Variants in RDH13 observed in about 807,000 individuals in gnomAD.
The protein encoded by RDH13 is retinol dehydrogenase 13.
A neutral mutation model predicts 28.3 loss-of-function variants in RDH13; 35 were observed. The observed-to-expected ratio is 1.24, with a 90% CI of 0.95 to 1.64. The LOEUF is 1.64. RDH13 is among the 40% of genes most tolerant of loss of function. The probability of loss-of-function intolerance (pLI) is 0.00; values close to 1 mark genes in which losing one functional copy is unlikely to be tolerated. For missense variants in RDH13, 514 were observed against 446.3 expected (o/e 1.15, Z -1.37); for synonymous variants, 229 against 198.5 (o/e 1.15, Z -1.29).
chr19:55,063,175 C>A (rs1401033272), upstream of RDH13: 1 of 719,358 alleles, frequency 1.4e-6, no homozygotes, highest in Non-Finnish European at 2.0e-6. Context: ...GCGTCCGGAA[C>A]TGGGCTGCGA....
upstream of RDH13, among the ~76,000 whole-genome samples, chr19:55,064,987 T>C (rs1422334206): frequency 6.7e-6 from 1 of 149,878 alleles, no homozygotes; most frequent in African/African-American, 2.5e-5. Context: ...ACGGTGGTGA[T>C]GGTTGCACAA....
Position 55,062,969 on chromosome 19 carries a change from T to G in RDH13, c.64A>C (p.Lys22Gln). The G allele has an allele frequency of 1.4e-6, 2 of 1,481,442 alleles. No individual in the cohort carries two copies. The highest frequency in any genetic ancestry group is 1.8e-6 in the Non-Finnish European group (2 of 1,119,036). The allele number at this position is 1,481,442 out of a possible 1,614,324, so 91.8% of individuals were successfully genotyped here. A position where few individuals can be genotyped will look rare whatever the true frequency, so the allele number is the denominator to read the frequency against. The stretch of plus-strand genomic sequence containing the variant: ...CACGCGGGGCTAGAATGTACTCACT[T>G]GAGCAGCACGGCGGCGCCTGCTACC... The part of the protein sequence containing the change: ...GTVAGAAVLL[K>Q]DYVTGGACPS... The change falls in exon 1 of 7, where the codon AAG (lysine) becomes CAG (glutamine). Residue 22 changes from lysine (K) to glutamine (Q), a missense_variant and splice_region_variant. By Grantham distance (53) the Lys-to-Gln change is moderately conservative. Transcript: ENST00000415061.
Position 55,059,201 on chromosome 19 carries a change from T to C in RDH13, c.140A>G (p.Asn47Ser). 5.6e-6 allele frequency: 9 copies of C among 1,604,618 alleles called. No individual in the cohort carries two copies. The highest frequency in any genetic ancestry group is 7.7e-6 in the Non-Finnish European group (9 of 1,175,762). The stretch of plus-strand genomic sequence containing the variant: ...GGCGGTCTGCTTCCCGATGCCTGTG[T>C]TGGCACCCGTCACGATGACCGTCTT... The part of the protein sequence containing the change: ...PGKTVIVTGA[N>S]TGIGKQTALE... Residue 47 changes from asparagine to serine, a missense_variant, in exon 2 of 7, where the codon AAC becomes AGC. Physicochemically the swap from Asn to Ser is conservative, Grantham distance 46. Coordinates refer to ENST00000415061, the MANE Select transcript of RDH13 (RefSeq NM_001145971.2).
At chr19:55,059,986 C>T (rs887933140) in intron 1 of RDH13, among the ~76,000 whole-genome samples, 4 of 152,154 alleles carry the variant, frequency 2.6e-5, no homozygotes, top group African/African-American at 9.7e-5. Flanking sequence ...ACCAGGGGCA[C>T]GATGCACTGC....
intron 1 of RDH13, among the ~76,000 whole-genome samples, chr19:55,059,544 C>T (rs1411346321): frequency 2.1e-5 from 3 of 141,260 alleles, no homozygotes; most frequent in Admixed American, 7.7e-5. Flanking sequence ...AGGGGGCTTG[C>T]ACCTGTAATC....
intron 3 of RDH13, among the ~76,000 whole-genome samples, chr19:55,051,371 C>T (rs1326063449): frequency 1.3e-5 from 2 of 152,178 alleles, no homozygotes; most frequent in African/African-American, 4.8e-5. Context: ...GGAGACTCCA[C>T]TCACAGCTGG....
chr19:55,045,868 C>T (rs1286067289), intron 6 of RDH13, among the ~76,000 whole-genome samples: 2 of 150,088 alleles, frequency 1.3e-5, no homozygotes, highest in African/African-American at 2.5e-5. Flanking sequence ...ATCCCTTGAA[C>T]CTGGGAGGCG....
At chr19:55,049,593 C>T (rs1376606162) in intron 3 of RDH13, among the ~76,000 whole-genome samples, 1 of 152,084 alleles carries the variant, frequency 6.6e-6, no homozygotes, top group Non-Finnish European at 1.5e-5. Flanking sequence ...AGTTTGAGAC[C>T]AGCCTGGCCA....
chr19:55,059,123 ATCTC>A (rs769535374), intron 2 of RDH13, 30 bp downstream of exon 2: 2 of 1,370,970 alleles, frequency 1.5e-6, no homozygotes, highest in South Asian at 1.2e-5. Context: ...ATGTACAGAT[ATCTC>A]TCTGAGAGCC....
intron 3 of RDH13, among the ~76,000 whole-genome samples, chr19:55,050,128 G>GGGA (rs1568697850): frequency 2.7e-5 from 4 of 149,290 alleles, no homozygotes; most frequent in African/African-American, 9.8e-5. Flanking sequence ...TTTTTTTTGG[G>GGGA]GGGGGGAGAT....
chr19:55,047,518 G>T, intron 5 of RDH13, 30 bp from the exon 6 acceptor site: 1 of 1,583,602 alleles, frequency 6.3e-7, no homozygotes. Flanking sequence ...AAGACTGAGG[G>T]AGGGGTCCAG....
At chr19:55,056,246 C>G (rs918417522) in intron 3 of RDH13, among the ~76,000 whole-genome samples, 13 of 152,024 alleles carry the variant, frequency 8.6e-5, no homozygotes, top group Admixed American at 6.6e-4. Flanking sequence ...GGAGAATCAC[C>G]TGAGGTCAGG....
chr19:55,053,513 G>A (rs990389229), intron 3 of RDH13, among the ~76,000 whole-genome samples: 42 of 152,090 alleles, frequency 2.8e-4, no homozygotes, highest in Admixed American at 2.2e-3. Context: ...AAAATTAGCC[G>A]GGCGTGGTGG....
intron 2 of RDH13, among the ~76,000 whole-genome samples, chr19:55,057,156 G>T (rs1197041161): frequency 1.3e-5 from 2 of 152,112 alleles, no homozygotes; most frequent in African/African-American, 4.8e-5. Context: ...CTATGTATAT[G>T]ATTTCACACC....
In RDH13 at chr19:55,054,820, C is replaced by G. The variant is rs1194318632; in HGVS notation, c.340+1833G>C. Among the ~76,000 whole-genome samples the G allele has an allele frequency of 5.3e-5, 8 of 151,638 alleles. No individual in the cohort carries two copies. In the South Asian group the frequency reaches 8.3e-4, roughly 16 times the overall value. On this transcript the variant is annotated intron_variant, in intron 3 of 6. Coordinates refer to ENST00000415061, the MANE Select transcript of RDH13 (RefSeq NM_001145971.2). ...CTCTAACTCCTGAGCTCAAGCAATC[C>G]TAAGAGAAGAGATTTTAAATGTGGT...
chr19:55,069,144 G>A (rs2076016129), intron 1 of RDH13, among the ~76,000 whole-genome samples: 1 of 143,362 alleles, frequency 7.0e-6, no homozygotes, highest in East Asian at 2.1e-4. Flanking sequence ...GGAAAGGGCT[G>A]CACAAACCAC....
intron 2 of RDH13, among the ~76,000 whole-genome samples, chr19:55,058,679 G>A (rs1435142389): frequency 6.6e-6 from 1 of 150,846 alleles, no homozygotes; most frequent in African/African-American, 2.4e-5. Flanking sequence ...CCTTTTTTTT[G>A]TTTTGCTTTG....
At chr19:55,045,900 C>G (rs987689601) in intron 6 of RDH13, among the ~76,000 whole-genome samples, 1 of 143,896 alleles carries the variant, frequency 6.9e-6, no homozygotes, top group Non-Finnish European at 1.5e-5. Context: ...GAGCTAAGAT[C>G]ACACCATTGC....
chr19:55,063,111 G>T lies in RDH13; in HGVS notation c.-79C>A. On this transcript the variant is annotated 5_prime_UTR_variant, in exon 1 of 7. Transcript: ENST00000415061. ...CACCAGCCGCCTGGGTAGCTCCGAG[G>T]AAGAGCGCGCGACGCAGCCACAGGC... The T allele has an allele frequency of 8.3e-7, 1 of 1,210,596 alleles. No homozygotes were observed. Among genetic ancestry groups the T allele is most frequent in the Non-Finnish European group, 1.1e-6 (1 of 948,414 alleles). The allele number at this position is 1,210,596 out of a possible 1,614,324, so 75.0% of individuals were successfully genotyped here.
Sources: allele counts gnomAD v4.1 joint callset (sites outside exome capture counted in the v4.1 genomes callset), GRCh38; gene constraint gnomAD v4.1.1; transcripts MANE v1.5; gene names NCBI Gene and HGNC (gene_info 2026-07-23, HGNC 2026-07-21).